LY86: variants seen among roughly 807,000 people sequenced by gnomAD.
The protein encoded by LY86 is MD-1, RP105-associated.
In LY86, 20 loss-of-function variants were observed where a neutral mutation model predicts 17.3. The ratio of observed to expected loss-of-function variants is 1.15; its 90% CI spans 0.81 to 1.68. The LOEUF (loss-of-function observed/expected upper bound fraction) is 1.68. LY86 is among the 40% of genes most tolerant of loss of function. LY86 has a pLI of 0.00. For missense variants in LY86, 200 were observed against 191.9 expected (o/e 1.04, Z -0.25); for synonymous variants, 74 against 70.6 (o/e 1.05, Z -0.24).
intron 1 of LY86, among the ~76,000 whole-genome samples, chr6:6,600,114 G>T (rs1482280251): frequency 6.6e-6 from 1 of 152,082 alleles, no homozygotes; most frequent in Admixed American, 6.5e-5. Context: ...ATATTGAGAA[G>T]ATAAGCAATT....
chr6:6,605,865 G>C (rs1195627143), intron 1 of LY86, among the ~76,000 whole-genome samples: 1 of 151,170 alleles, frequency 6.6e-6, no homozygotes, highest in Non-Finnish European at 1.5e-5. Flanking sequence ...GGGGCATCTG[G>C]AGCTCTTCGT....
chr6:6,617,903 C>T (rs1167571309), intron 1 of LY86, among the ~76,000 whole-genome samples: 2 of 152,200 alleles, frequency 1.3e-5, no homozygotes, highest in African/African-American at 4.8e-5. Context: ...TGCAGTGGCG[C>T]GATCTCGGCA....
intron 1 of LY86, among the ~76,000 whole-genome samples, chr6:6,604,327 G>T (rs1761023400): frequency 6.6e-6 from 1 of 151,936 alleles, no homozygotes; most frequent in Non-Finnish European, 1.5e-5. Flanking sequence ...TATATAAAAT[G>T]TATAGCTTCT....
chr6:6,597,190 A>T (rs937097188), intron 1 of LY86, among the ~76,000 whole-genome samples: 12 of 152,170 alleles, frequency 7.9e-5, no homozygotes, highest in African/African-American at 2.9e-4. Flanking sequence ...GAGTGTGAAG[A>T]CCAGAGCAGT....
chr6:6,617,647 A>G lies in LY86; in HGVS notation c.137-7279A>G, dbSNP rs192153280. On this transcript the variant is annotated intron_variant, in intron 1 of 4. Coordinates refer to ENST00000230568, the MANE Select transcript of LY86 (RefSeq NM_004271.4). ...TCCTATCACAGGGTAATGAATGATGAGCCAAGTTGCTCTTCCTATTGCATC... is the reference window on the plus strand; with the variant it reads ...TCCTATCACAGGGTAATGAATGATGGGCCAAGTTGCTCTTCCTATTGCATC... 2.5e-3 allele frequency among the ~76,000 whole-genome samples: 386 copies of G among 152,286 alleles called. 3 individuals carry two copies. The highest frequency in any genetic ancestry group is 3.1e-3 in the Non-Finnish European group (210 of 68,020).
intron 1 of LY86, among the ~76,000 whole-genome samples, chr6:6,606,356 A>G (rs1272851349): frequency 1.3e-5 from 2 of 152,124 alleles, no homozygotes; most frequent in East Asian, 1.9e-4. Flanking sequence ...TCCCTTAGGT[A>G]GACATAAAGG....
At chr6:6,606,419 C>T (rs370724345) in intron 1 of LY86, among the ~76,000 whole-genome samples, 4 of 152,238 alleles carry the variant, frequency 2.6e-5, no homozygotes, top group African/African-American at 9.6e-5. Flanking sequence ...CCCACTGGAT[C>T]CTGCACCTGG....
intron 1 of LY86, among the ~76,000 whole-genome samples, chr6:6,622,995 T>C (rs1480046339): frequency 6.6e-6 from 1 of 152,242 alleles, no homozygotes; most frequent in African/African-American, 2.4e-5. Context: ...TCTAGATAAG[T>C]TAATACAACA....
chr6:6,638,296 G>C (rs1406309117), intron 3 of LY86, among the ~76,000 whole-genome samples: 1 of 152,170 alleles, frequency 6.6e-6, no homozygotes, highest in Non-Finnish European at 1.5e-5. Flanking sequence ...TTTTTAATAA[G>C]TGGGTTAAAC....
intron 1 of LY86, among the ~76,000 whole-genome samples, chr6:6,614,023 C>T (rs538297606): frequency 3.9e-5 from 6 of 152,320 alleles, no homozygotes; most frequent in Non-Finnish European, 5.9e-5. Flanking sequence ...CTTACATTCC[C>T]TAAAAGAATA....
chr6:6,627,490 C>T (rs907603904), intron 3 of LY86, among the ~76,000 whole-genome samples: 1 of 152,152 alleles, frequency 6.6e-6, no homozygotes, highest in Non-Finnish European at 1.5e-5. Flanking sequence ...CCATCCCTCC[C>T]GAGTGTGTGG....
At chr6:6,614,556 G>C (rs1188410918) in intron 1 of LY86, among the ~76,000 whole-genome samples, 1 of 152,052 alleles carries the variant, frequency 6.6e-6, no homozygotes, top group Admixed American at 6.5e-5. Context: ...CAGCTCTGCT[G>C]TTCTTCCACG....
At chr6:6,590,514 G>C (rs1428118781) in intron 1 of LY86, among the ~76,000 whole-genome samples, 1 of 151,914 alleles carries the variant, frequency 6.6e-6, no homozygotes, top group African/African-American at 2.4e-5. Context: ...TTGGATAAGG[G>C]GGCTGTACTG....
At chr6:6,617,303 G>A (rs979773619) in intron 1 of LY86, among the ~76,000 whole-genome samples, 1 of 152,166 alleles carries the variant, frequency 6.6e-6, no homozygotes, top group Non-Finnish European at 1.5e-5. Context: ...ATATTAGACA[G>A]TTAAGAAACA....
chr6:6,588,892 ATG>A (rs1330586002), intron 1 of LY86, 22 bp downstream of exon 1: 8 of 1,606,100 alleles, frequency 5.0e-6, no homozygotes, highest in Non-Finnish European at 6.8e-6. Flanking sequence ...CAGTACACCC[ATG>A]TGTGTTTATG....
chr6:6,644,362 A>C (rs1384779065), intron 3 of LY86, among the ~76,000 whole-genome samples: 1 of 152,172 alleles, frequency 6.6e-6, no homozygotes, highest in East Asian at 1.9e-4. Context: ...CATCTCTACA[A>C]AAAACTAGGC....
intron 1 of LY86, among the ~76,000 whole-genome samples, chr6:6,593,913 T>C (rs956620656): frequency 2.6e-5 from 4 of 152,228 alleles, no homozygotes; most frequent in African/African-American, 9.6e-5. Flanking sequence ...GAATATAGCA[T>C]ACAGCAATCA....
intron 4 of LY86, among the ~76,000 whole-genome samples, chr6:6,650,585 G>A (rs1369168916): frequency 1.3e-5 from 2 of 152,052 alleles, no homozygotes; most frequent in African/African-American, 4.8e-5. Context: ...CACCCGCCTC[G>A]GCCTCCCAAA....
chr6:6,612,387 T>C (rs566170925), intron 1 of LY86, among the ~76,000 whole-genome samples: 2 of 152,332 alleles, frequency 1.3e-5, no homozygotes, highest in African/African-American at 2.4e-5. Flanking sequence ...AATCATTTAT[T>C]TTCCCCCAGT....
Sources: allele counts gnomAD v4.1 joint callset (sites outside exome capture counted in the v4.1 genomes callset), GRCh38; gene constraint gnomAD v4.1.1; transcripts MANE v1.5; gene names NCBI Gene and HGNC (gene_info 2026-07-23, HGNC 2026-07-21).